The following TANGO6 variants were observed in gnomAD, a reference collection of about 807,000 sequenced individuals.
The protein encoded by TANGO6 is transport and Golgi organization protein 6 homolog.
A neutral mutation model predicts 114.2 loss-of-function variants in TANGO6; 90 were observed. That is an observed-to-expected ratio of 0.79 (90% CI 0.66 to 0.94). The LOEUF is 0.94. Ranked by LOEUF, TANGO6 falls within the 40% of genes least tolerant of loss-of-function variation. The pLI is 0.00. For synonymous variants in TANGO6, 477 were observed against 509.8 expected (o/e 0.94, Z 0.87); for missense variants, 1,274 against 1,315.3 (o/e 0.97, Z 0.49).
rs767663141 is a variant in TANGO6, at chr16:68,862,983, C to T, written c.774C>T (p.Ala258=). 1.2e-6 allele frequency: 2 copies of T among 1,600,274 alleles called. No homozygotes were observed. Among genetic ancestry groups the T allele is most frequent in the South Asian group, 1.1e-5 (1 of 88,020 alleles). The change falls in exon 3 of 18, where the codon GCC becomes GCT. Residue 258 remains alanine, a synonymous_variant. Transcript: ENST00000261778. ...AGGAGAGAACCCTATCCAGGGGGGCCTTGAGAGACATGCTGGATCAAGTCT... is the reference window on the plus strand; with the variant it reads ...AGGAGAGAACCCTATCCAGGGGGGCTTTGAGAGACATGCTGGATCAAGTCT... ...TEEERTLSRG[A]LRDMLDQVYQ...
At chr16:68,914,165 T>A (rs1962966850) in intron 11 of TANGO6, among the ~76,000 whole-genome samples, 2 of 152,094 alleles carry the variant, frequency 1.3e-5, no homozygotes, top group African/African-American at 4.8e-5. Flanking sequence ...ATGTTTAATA[T>A]TATTATTATT....
At chr16:68,913,813 G>T (rs1208817422) in intron 11 of TANGO6, among the ~76,000 whole-genome samples, 1 of 152,100 alleles carries the variant, frequency 6.6e-6, no homozygotes, top group African/African-American at 2.4e-5. Context: ...TAAAAATGGA[G>T]TTGAATTTAG....
In TANGO6 at chr16:68,964,599, C is replaced by T. The variant is rs950310039; in HGVS notation, c.2702-9429C>T. Among the ~76,000 whole-genome samples the T allele has an allele frequency of 8.2e-5, 12 of 145,664 alleles. No individual in the cohort carries two copies. In the East Asian group the frequency reaches 2.4e-3, roughly 29 times the overall value. On this transcript the variant is annotated intron_variant, in intron 14 of 17. Coordinates refer to ENST00000261778, the MANE Select transcript of TANGO6 (RefSeq NM_024562.2). ...TTTTTTTTTTTGAGACAGAGTCTCG[C>T]TCTGTCGCCTAGGCTGGAGTGCAGT... is the stretch of plus-strand genomic sequence containing the variant.
intron 15 of TANGO6, among the ~76,000 whole-genome samples, chr16:68,997,844 G>A (rs1964005856): frequency 6.6e-6 from 1 of 152,198 alleles, no homozygotes; most frequent in South Asian, 2.1e-4. Context: ...CCTAAGGGTT[G>A]TAAAGGGATG....
chr16:69,020,378 A>C (rs1168157337), intron 15 of TANGO6, among the ~76,000 whole-genome samples: 1 of 152,184 alleles, frequency 6.6e-6, no homozygotes, highest in Non-Finnish European at 1.5e-5. Context: ...TTCTACCCTC[A>C]AGGAATTTAT....
At chr16:68,889,044 G>C (rs544513816) in intron 7 of TANGO6, among the ~76,000 whole-genome samples, 2 of 152,062 alleles carry the variant, frequency 1.3e-5, no homozygotes, top group Non-Finnish European at 2.9e-5. Flanking sequence ...GGTTGTTCTC[G>C]AACTCCTGAC....
At position 68,875,237 on chromosome 16, in the gene TANGO6, T is replaced by G. The variant is rs777688945; in HGVS notation, c.1078T>G (p.Cys360Gly). ...CDLIAKILAS[C>G]PQQSLSPENY... Reference sequence around the variant, plus strand: ...CCTGATCGCAAAGATTTTGGCCTCTTGTCCCCAGCAGTCTCTTTCACCAGA... The same window carrying G: ...CCTGATCGCAAAGATTTTGGCCTCTGGTCCCCAGCAGTCTCTTTCACCAGA... The change falls in exon 5 of 18, where the codon TGT becomes GGT. Residue 360 changes from cysteine (C) to glycine (G), a missense_variant. Cys to Gly is a radical substitution (Grantham distance 159). This residue lies in a region of TANGO6 where 908 missense variants were observed against 910.2 expected (regional missense o/e 1.00). Coordinates refer to ENST00000261778, the MANE Select transcript of TANGO6 (RefSeq NM_024562.2). 69 of 1,613,704 alleles carry G rather than the reference T, an allele frequency of 4.3e-5. No homozygotes were observed. In the East Asian group the frequency reaches 1.5e-3, roughly 36 times the overall value.
chr16:69,007,640 A>G (rs983050233), intron 15 of TANGO6, among the ~76,000 whole-genome samples: 1 of 152,126 alleles, frequency 6.6e-6, no homozygotes, highest in Admixed American at 6.6e-5. Flanking sequence ...TAAAACTTCT[A>G]TGTATATTTG....
chr16:68,968,395 A>T (rs1427926857), intron 14 of TANGO6, among the ~76,000 whole-genome samples: 8 of 137,132 alleles, frequency 5.8e-5, no homozygotes, highest in African/African-American at 1.9e-4. Context: ...TGGAGTTTTC[A>T]CTCTTGTTTC....
intron 11 of TANGO6, among the ~76,000 whole-genome samples, chr16:68,913,895 C>T (rs1962963387): frequency 6.6e-6 from 1 of 152,056 alleles, no homozygotes; most frequent in Non-Finnish European, 1.5e-5. Flanking sequence ...TTTGTACAAC[C>T]ACCTCCACTT....
At chr16:68,868,459 T>TGA (rs1418948986) in intron 4 of TANGO6, among the ~76,000 whole-genome samples, 1 of 151,252 alleles carries the variant, frequency 6.6e-6, no homozygotes, top group Non-Finnish European at 1.5e-5. Flanking sequence ...ACTCTTTCAG[T>TGA]GAGTTTTTTC....
intron 4 of TANGO6, among the ~76,000 whole-genome samples, chr16:68,869,709 A>G (rs1002805764): frequency 2.0e-5 from 3 of 152,180 alleles, no homozygotes; most frequent in African/African-American, 7.2e-5. Context: ...TACTGCAACA[A>G]CTTACCACAA....
chr16:69,044,227 G>A (rs1290880028), intron 17 of TANGO6, among the ~76,000 whole-genome samples: 1 of 152,124 alleles, frequency 6.6e-6, no homozygotes, highest in African/African-American at 2.4e-5. Flanking sequence ...ATCACGCTCA[G>A]CTAATTTTTG....
chr16:68,859,826 G>C (rs1049527164), intron 1 of TANGO6, 58 bp from the exon 2 acceptor site: 13 of 1,485,500 alleles, frequency 8.8e-6, no homozygotes, highest in Middle Eastern at 1.8e-4. Flanking sequence ...CATTCCACAG[G>C]GGGAAGTGCA....
At chr16:69,075,439 C>T (rs1045407608) in intron 17 of TANGO6, among the ~76,000 whole-genome samples, 1 of 151,594 alleles carries the variant, frequency 6.6e-6, no homozygotes, top group African/African-American at 2.4e-5. Context: ...CTCTACACAA[C>T]ACGAATTCAA....
intron 17 of TANGO6, among the ~76,000 whole-genome samples, chr16:69,060,157 T>C (rs769863534): frequency 6.6e-6 from 1 of 152,170 alleles, no homozygotes; most frequent in Non-Finnish European, 1.5e-5. Flanking sequence ...GTTATACTTT[T>C]TATGAAAAGG....
intron 4 of TANGO6, among the ~76,000 whole-genome samples, chr16:68,872,932 A>C (rs1962300081): frequency 1.3e-5 from 2 of 151,134 alleles, no homozygotes; most frequent in Admixed American, 1.3e-4. Context: ...CAAACTCCTG[A>C]CCTCAGGTGA....
intron 17 of TANGO6, among the ~76,000 whole-genome samples, chr16:69,073,692 C>A (rs1032549690): frequency 6.6e-6 from 1 of 152,166 alleles, no homozygotes; most frequent in African/African-American, 2.4e-5. Context: ...CCTGGTGGCT[C>A]ACGCCTGTAA....
chr16:68,941,969 A>G (rs79450955), intron 14 of TANGO6, among the ~76,000 whole-genome samples: 12 of 152,148 alleles, frequency 7.9e-5, no homozygotes, highest in East Asian at 1.9e-4. Flanking sequence ...GGGAAAAAAA[A>G]CAGAATTACA....
Sources: allele counts gnomAD v4.1 joint callset (sites outside exome capture counted in the v4.1 genomes callset), GRCh38; gene constraint gnomAD v4.1.1; regional missense constraint gnomAD v4.1.1; transcripts MANE v1.5; gene names NCBI Gene and HGNC (gene_info 2026-07-23, HGNC 2026-07-21).